The following DMXL2 variants were observed in gnomAD, a reference collection of about 807,000 sequenced individuals.
DMXL2 encodes dmX-like protein 2.
In DMXL2, 103 loss-of-function variants were observed where a neutral mutation model predicts 331.1. The ratio of observed to expected loss-of-function variants is 0.31; its 90% CI spans 0.27 to 0.37. The LOEUF is 0.37. DMXL2 is among the 10% of genes least tolerant of loss of function. The probability of loss-of-function intolerance (pLI) is 1.00; values close to 1 mark genes in which losing one functional copy is unlikely to be tolerated. For synonymous variants in DMXL2, 1,281 were observed against 1,252.1 expected (o/e 1.02, Z -0.49); for missense variants, 3,171 against 3,642.9 (o/e 0.87, Z 3.33).
At position 51,517,138 on chromosome 15, in the gene DMXL2, C is replaced by A. The variant is rs1048868959; in HGVS notation, c.2466G>T (p.Val822=). The change falls in exon 14 of 44, where the codon GTG becomes GTT. Residue 822 remains valine, a synonymous_variant. Transcript: ENST00000560891. The part of the protein sequence containing the change: ...SKLIGEVFNI[V]SQQSTARPGC... ...CAGGTCGAGCAGTAGACTGTTGGCT[C>A]ACAATATTAAACACTTCTCCAATAA... is the stretch of plus-strand genomic sequence containing the variant. The A allele has an allele frequency of 3.7e-6, 6 of 1,613,754 alleles. No individual in the cohort carries two copies. The Admixed American group carries it at 6.7e-5, about 18-fold the overall frequency.
At chr15:51,463,545 T>C (rs770015879) in intron 32 of DMXL2, 49 bp from the exon 33 acceptor site, 1 of 1,051,956 alleles carries the variant, frequency 9.5e-7, no homozygotes, top group South Asian at 1.6e-5. Flanking sequence ...ATAGAAAATA[T>C]GTTTATATTT....
At chr15:51,600,522 T>C (rs2053153175) in intron 1 of DMXL2, among the ~76,000 whole-genome samples, 1 of 152,214 alleles carries the variant, frequency 6.6e-6, no homozygotes, top group African/African-American at 2.4e-5. Flanking sequence ...TTGCGTGTCC[T>C]AGGTGGCACC....
At chr15:51,451,898 G>A (rs543878981) in intron 41 of DMXL2, among the ~76,000 whole-genome samples, 7 of 152,234 alleles carry the variant, frequency 4.6e-5, no homozygotes, top group South Asian at 2.1e-4. Flanking sequence ...GGTCCTGCCC[G>A]TCTCTGCATC....
chr15:51,534,812 A>T (rs1164368842), intron 13 of DMXL2, among the ~76,000 whole-genome samples: 1 of 152,186 alleles, frequency 6.6e-6, no homozygotes, highest in East Asian at 1.9e-4. Flanking sequence ...TTATCCACTC[A>T]TCAAGAATGA....
chr15:51,465,537 T>A, intron 31 of DMXL2, 29 bp downstream of exon 31: 1 of 1,484,174 alleles, frequency 6.7e-7, no homozygotes, highest in South Asian at 1.2e-5. Flanking sequence ...TTATACTTAA[T>A]AACATTAATT....
chr15:51,566,233 GTGTGTGTGTGTGTGTGTGTGTGT>G (rs2050271123), intron 3 of DMXL2, among the ~76,000 whole-genome samples: 2 of 14,598 alleles, frequency 1.4e-4, no homozygotes, highest in Non-Finnish European at 3.9e-4. Context: ...TGTGTGTGGG[GTGTGTGTGTGTGTGTGTGTGTGT>G]GTGTGTGTGT....
chr15:51,512,932 C>T (rs1278967497), intron 15 of DMXL2, among the ~76,000 whole-genome samples: 3 of 151,934 alleles, frequency 2.0e-5, no homozygotes, highest in African/African-American at 7.3e-5. Context: ...TAATTATGCA[C>T]TATAATTTTG....
intron 6 of DMXL2, among the ~76,000 whole-genome samples, chr15:51,552,233 A>G (rs552323001): frequency 6.6e-5 from 10 of 152,088 alleles, no homozygotes; most frequent in Non-Finnish European, 1.5e-4. Flanking sequence ...TCATTTTAGG[A>G]GCAATAGGAG....
intron 9 of DMXL2, among the ~76,000 whole-genome samples, chr15:51,539,629 C>A (rs28535209): frequency 6.6e-6 from 1 of 151,978 alleles, no homozygotes; most frequent in African/African-American, 2.4e-5. Flanking sequence ...GGAAACACAG[C>A]GAGACACTGA....
intron 1 of DMXL2, among the ~76,000 whole-genome samples, chr15:51,604,327 T>C (rs376832865): frequency 1.1e-4 from 16 of 141,774 alleles, no homozygotes; most frequent in Admixed American, 9.0e-4. Flanking sequence ...AACACATACA[T>C]TGGAAAAGAA....
At chr15:51,563,508 T>C (rs2050093044) in intron 5 of DMXL2, 61 bp from the exon 6 acceptor site, 1 of 1,188,552 alleles carries the variant, frequency 8.4e-7, no homozygotes, top group Admixed American at 2.7e-5. Context: ...TATATAAAAA[T>C]GGTCAAGATG....
chr15:51,543,211 A>C (rs1269363085), intron 8 of DMXL2, among the ~76,000 whole-genome samples: 2 of 152,130 alleles, frequency 1.3e-5, no homozygotes, highest in Non-Finnish European at 2.9e-5. Context: ...TCACGGCCCC[A>C]CCTCACAGTA....
At chr15:51,544,173 T>G (rs970219941) in intron 8 of DMXL2, among the ~76,000 whole-genome samples, 4 of 152,192 alleles carry the variant, frequency 2.6e-5, no homozygotes, top group Non-Finnish European at 4.4e-5. Context: ...AAATCTCATG[T>G]TGAATTGTAA....
intron 19 of DMXL2, 44 bp downstream of exon 19, chr15:51,494,980 A>G (rs773388299): frequency 1.4e-6 from 2 of 1,422,158 alleles, no homozygotes; most frequent in South Asian, 2.3e-5. Flanking sequence ...TCGCTCCAAT[A>G]TTAAGTAAAA....
chr15:51,604,667 T>C (rs2053460401), intron 1 of DMXL2, among the ~76,000 whole-genome samples: 1 of 152,234 alleles, frequency 6.6e-6, no homozygotes, highest in African/African-American at 2.4e-5. Flanking sequence ...CTCCACAAAT[T>C]GATCTACAGA....
intron 28 of DMXL2, among the ~76,000 whole-genome samples, chr15:51,472,177 C>T (rs2041177046): frequency 6.6e-6 from 1 of 152,050 alleles, no homozygotes; most frequent in Non-Finnish European, 1.5e-5. Flanking sequence ...TAGAAGTCAA[C>T]CTGCTCCTCT....
At chr15:51,542,163 A>G (rs1292551402) in intron 9 of DMXL2, among the ~76,000 whole-genome samples, 170 bp downstream of exon 9, 1 of 152,200 alleles carries the variant, frequency 6.6e-6, no homozygotes, top group African/African-American at 2.4e-5. Flanking sequence ...CATAGTCCCA[A>G]TCACATAGGC....
intron 11 of DMXL2, 70 bp from the exon 12 acceptor site, chr15:51,536,932 A>T (rs1343435535): frequency 7.8e-7 from 1 of 1,277,958 alleles, no homozygotes; most frequent in East Asian, 2.3e-5. Flanking sequence ...TTCTATTCTC[A>T]AAATACCAAA....
At chr15:51,611,246 A>T (rs551534953) in intron 1 of DMXL2, among the ~76,000 whole-genome samples, 1 of 152,336 alleles carries the variant, frequency 6.6e-6, no homozygotes, top group Admixed American at 6.5e-5. Flanking sequence ...GGAGAGGCAC[A>T]AATAACCAAT....
Sources: gnomAD v4.1 joint callset for allele counts (sites outside exome capture counted in the v4.1 genomes callset) on GRCh38, gnomAD v4.1.1 for gene constraint, MANE v1.5 for transcripts, NCBI Gene and HGNC (gene_info 2026-07-23, HGNC 2026-07-21) for gene names.